FAT4: variants seen among roughly 807,000 people sequenced by gnomAD.
FAT4 encodes FAT atypical cadherin 4.
Under a neutral mutation model 303.9 loss-of-function variants are expected in FAT4, and 84 were observed. The observed-to-expected ratio is 0.28, with a 90% confidence interval of 0.23 to 0.33. The LOEUF is 0.33. Among genes scored for constraint, FAT4 ranks in the 10% least tolerant of loss-of-function variants. The pLI is 1.00. For missense variants in FAT4, 6,005 were observed against 6,146.8 expected (o/e 0.98, Z 0.77); for synonymous variants, 2,307 against 2,298.8 (o/e 1.00, Z -0.10).
At position 125,490,025 on chromosome 4, in the gene FAT4, G is replaced by A. The variant is rs763983959; in HGVS notation, c.13209G>A (p.Pro4403=). The A allele has an allele frequency of 1.5e-5, 24 of 1,613,760 alleles. No homozygotes were observed. The highest frequency in any genetic ancestry group is 6.7e-5 in the East Asian group (3 of 44,842). Residue 4403 remains proline (P), a synonymous_variant, in exon 18 of 18, where the codon CCG becomes CCA. Coordinates refer to ENST00000394329, the MANE Select transcript of FAT4 (RefSeq NM_001291303.3). ...CAGTGAAGATTGGCTGCCGTGGCCC[G>A]AACATTTGTGCCAGCAACCCCTGCT... The part of the protein sequence containing the change: ...DPSVKIGCRG[P]NICASNPCWG...
chr4:125,481,708 C>G lies in FAT4; in HGVS notation c.12792C>G (p.Ile4264Met). 1.2e-6 allele frequency: 2 copies of G among 1,613,964 alleles called. No homozygotes were observed. Among genetic ancestry groups the G allele is most frequent in the Middle Eastern group, 1.6e-4 (1 of 6,062 alleles). ...TRSENGVLIH[I>M]QESSNYTTVK... ...GCGAGAATGGCGTTTTAATCCATAT[C>G]CAAGAAAGCAGCAATTACACTACTG... The change falls in exon 16 of 18, where the codon ATC becomes ATG. Residue 4264 changes from isoleucine to methionine, a missense_variant. Physicochemically the swap from Ile to Met is conservative, Grantham distance 10. Transcript: ENST00000394329.
At chr4:125,324,337 G>T (rs577365759) in intron 2 of FAT4, among the ~76,000 whole-genome samples, 1 of 87,804 alleles carries the variant, frequency 1.1e-5, no homozygotes, top group African/African-American at 4.7e-5. Context: ...CCTCATGATG[G>T]TCAGGGGCTT....
At chr4:125,419,793 G>C (rs970682276) in intron 7 of FAT4, among the ~76,000 whole-genome samples, 1 of 152,078 alleles carries the variant, frequency 6.6e-6, no homozygotes, top group South Asian at 2.1e-4. Flanking sequence ...CACATTATTA[G>C]ATTGTAATTG....
At chr4:125,388,671 T>A (rs1733858922) in intron 2 of FAT4, among the ~76,000 whole-genome samples, 1 of 152,182 alleles carries the variant, frequency 6.6e-6, no homozygotes, top group African/African-American at 2.4e-5. Flanking sequence ...CAGTATTGAT[T>A]TCAGGAAAAA....
chr4:125,416,670 G>A (rs1735087160), intron 7 of FAT4, 48 bp downstream of exon 7: 5 of 1,587,624 alleles, frequency 3.1e-6, no homozygotes, highest in African/African-American at 1.3e-5. Flanking sequence ...TCTAGGCCAG[G>A]CACGGTGGCT....
chr4:125,443,967 A>G (rs1339002807), intron 8 of FAT4, among the ~76,000 whole-genome samples: 1 of 152,176 alleles, frequency 6.6e-6, no homozygotes, highest in African/African-American at 2.4e-5. Context: ...TCTCATATTT[A>G]AAATATACTT....
chr4:125,432,247 C>T (rs1411654361), intron 7 of FAT4, among the ~76,000 whole-genome samples: 1 of 152,128 alleles, frequency 6.6e-6, no homozygotes, highest in Non-Finnish European at 1.5e-5. Context: ...GGTAAAGACT[C>T]CAGGGCTGCT....
chr4:125,454,134 A>G (rs1339649341), intron 10 of FAT4, among the ~76,000 whole-genome samples: 1 of 152,254 alleles, frequency 6.6e-6, no homozygotes, highest in Admixed American at 6.5e-5. Flanking sequence ...TAGTATAGGT[A>G]GAATCAAGAT....
At chr4:125,322,613 G>A (rs909618080) in intron 2 of FAT4, among the ~76,000 whole-genome samples, 5 of 152,136 alleles carry the variant, frequency 3.3e-5, no homozygotes, top group African/African-American at 1.2e-4. Context: ...ATACTTGGCA[G>A]TGACCCAGAC....
intron 2 of FAT4, among the ~76,000 whole-genome samples, chr4:125,395,238 G>C (rs540437281): frequency 6.6e-6 from 1 of 152,156 alleles, no homozygotes; most frequent in Non-Finnish European, 1.5e-5. Context: ...CTGTGGAGTA[G>C]AGAAAAGGGA....
Position 125,449,110 on chromosome 4 carries a change from A to G in FAT4, c.8100A>G (p.Gly2700=), listed in dbSNP as rs1725938244. The G allele has an allele frequency of 1.9e-6, 3 of 1,613,968 alleles. No individual in the cohort carries two copies. Among genetic ancestry groups the G allele is most frequent in the South Asian group, 1.1e-5 (1 of 91,086 alleles). The change falls in exon 10 of 18, where the codon GGA becomes GGG. Residue 2700 remains glycine (G), a synonymous_variant. Coordinates refer to ENST00000394329, the MANE Select transcript of FAT4 (RefSeq NM_001291303.3). ...TTTCGGCAATGGACAAGGACAGTGGACCCAATGGACAGTTAGATTATGAAA... is the reference window on the plus strand; with the variant it reads ...TTTCGGCAATGGACAAGGACAGTGGGCCCAATGGACAGTTAGATTATGAAA... The part of the protein sequence containing the change: ...LTVSAMDKDS[G]PNGQLDYEIV...
At chr4:125,462,153 G>A (rs796077426) in intron 10 of FAT4, among the ~76,000 whole-genome samples, 5 of 152,040 alleles carry the variant, frequency 3.3e-5, no homozygotes, top group South Asian at 2.1e-4. Context: ...GGCTTAGTTA[G>A]CATCATGAGA....
At position 125,399,936 on chromosome 4, in the gene FAT4, G is replaced by A. The variant is rs191164234; in HGVS notation, c.5307+1021G>A. ...TAATATTTCTATTGTTGATAGATATGTGATATCATTAGCCATAATTCAGTA... is the reference window on the plus strand; with the variant it reads ...TAATATTTCTATTGTTGATAGATATATGATATCATTAGCCATAATTCAGTA... On this transcript the variant is annotated intron_variant, in intron 3 of 17. Transcript: ENST00000394329. 1.7e-3 allele frequency among the ~76,000 whole-genome samples: 257 copies of A among 151,942 alleles called. 1 individual carries two copies. The highest frequency in any genetic ancestry group is 3.1e-3 in the Non-Finnish European group (209 of 67,864).
chr4:125,321,783 C>A (rs1334269897), intron 2 of FAT4, among the ~76,000 whole-genome samples, 197 bp downstream of exon 2: 1 of 152,112 alleles, frequency 6.6e-6, no homozygotes, highest in Non-Finnish European at 1.5e-5. Context: ...AACTAAACAA[C>A]AAACTTTCTT....
intron 14 of FAT4, 84 bp downstream of exon 14, chr4:125,477,418 T>C: frequency 2.5e-6 from 3 of 1,195,152 alleles, no homozygotes; most frequent in Non-Finnish European, 3.5e-6. Flanking sequence ...ATGAAATTAT[T>C]ATGCTCAAAT....
intron 17 of FAT4, among the ~76,000 whole-genome samples, chr4:125,488,862 C>T (rs1288785822): frequency 6.6e-6 from 1 of 152,062 alleles, no homozygotes; most frequent in Non-Finnish European, 1.5e-5. Flanking sequence ...AAAAGAAAGC[C>T]TGGGACGTCA....
chr4:125,321,578 A>G lies in FAT4; in HGVS notation c.5167A>G (p.Arg1723Gly). ...EKSTAFPRTQRAEVEITLQDI... is the reference protein window; with the variant it reads ...EKSTAFPRTQGAEVEITLQDI... ...ATCAACTGCTTTTCCCAGAACACAG[A>G]GAGCAGAGGTAATGATTTTGTAGTC... is the stretch of plus-strand genomic sequence containing the variant. Residue 1723 changes from arginine (R) to glycine (G), a missense_variant, in exon 2 of 18, where the codon AGA becomes GGA. Physicochemically the swap from Arg to Gly is moderately radical, Grantham distance 125. Coordinates refer to ENST00000394329, the MANE Select transcript of FAT4 (RefSeq NM_001291303.3). 1 of 1,590,414 alleles carries G rather than the reference A, an allele frequency of 6.3e-7. No homozygotes were observed. The highest frequency in any genetic ancestry group is 2.2e-5 in the East Asian group (1 of 44,664).
chr4:125,331,520 T>C (rs938193933), intron 2 of FAT4, among the ~76,000 whole-genome samples: 13 of 152,192 alleles, frequency 8.5e-5, no homozygotes, highest in Admixed American at 8.5e-4. Context: ...TTCAGAAACA[T>C]TTATGGTGTC....
chr4:125,479,936 A>T (rs1309645654), intron 15 of FAT4, 71 bp downstream of exon 15: 2 of 1,188,142 alleles, frequency 1.7e-6, no homozygotes, highest in African/African-American at 3.1e-5. Flanking sequence ...GCACCCAAGT[A>T]TGTAATCAAA....
Sources: allele counts gnomAD v4.1 joint callset (sites outside exome capture counted in the v4.1 genomes callset), GRCh38; gene constraint gnomAD v4.1.1; transcripts MANE v1.5; gene names NCBI Gene and HGNC (gene_info 2026-07-23, HGNC 2026-07-21).